GABPB1: variants seen among roughly 807,000 people sequenced by gnomAD.
GABPB1 encodes the protein GA binding protein transcription factor subunit beta 1, also known as GA-binding protein subunit beta-1.
In GABPB1, 15 loss-of-function variants were observed where a neutral mutation model predicts 45.9. The ratio of observed to expected loss-of-function variants is 0.33; its 90% CI spans 0.22 to 0.50. GABPB1 has a LOEUF of 0.50. Ranked by LOEUF, GABPB1 falls within the 20% of genes least tolerant of loss-of-function variation. GABPB1 has a pLI of 0.98. For missense variants in GABPB1, 252 were observed against 457.5 expected, an observed-to-expected ratio of 0.55 and a Z score of 4.10; for synonymous variants, 143 against 154.4, an observed-to-expected ratio of 0.93 and a Z score of 0.55.
intron 1 of GABPB1, among the ~76,000 whole-genome samples, chr15:50,316,193 A>T (rs2047320734): frequency 6.6e-6 from 1 of 152,270 alleles, no homozygotes. Flanking sequence ...TGTTAATAAT[A>T]AATCTATTAT....
In GABPB1 at chr15:50,321,535, C is replaced by T. The variant is rs930473894; in HGVS notation, c.1-11737G>A. 2.0e-5 allele frequency among the ~76,000 whole-genome samples: 3 copies of T among 152,032 alleles called. 1 individual carries two copies. In the South Asian group the frequency reaches 6.2e-4, roughly 32 times the overall value. ...ACCCTTTTATCGCTTTTAAAGTCTGCATTAAAAGGGCATTCTGTTAGCCAG... is the reference window on the plus strand; with the variant it reads ...ACCCTTTTATCGCTTTTAAAGTCTGTATTAAAAGGGCATTCTGTTAGCCAG... On this transcript the variant is annotated intron_variant, in intron 1 of 8. Transcript: ENST00000380877.
chr15:50,347,217 G>C (rs544158228), intron 1 of GABPB1, among the ~76,000 whole-genome samples: 37 of 152,168 alleles, frequency 2.4e-4, no homozygotes, highest in African/African-American at 8.7e-4. Flanking sequence ...GAATTATGGG[G>C]AGACACAAGC....
intron 1 of GABPB1, among the ~76,000 whole-genome samples, chr15:50,320,459 C>T (rs1490231780): frequency 6.6e-6 from 1 of 152,208 alleles, no homozygotes; most frequent in Non-Finnish European, 1.5e-5. Flanking sequence ...TGAGCCACCA[C>T]TCAAAGGCAA....
At chr15:50,339,270 A>G (rs928273952) in intron 1 of GABPB1, among the ~76,000 whole-genome samples, 1 of 152,162 alleles carries the variant, frequency 6.6e-6, no homozygotes, top group African/African-American at 2.4e-5. Context: ...GTGAGCCAAG[A>G]TCACACTGCT....
chr15:50,353,646 G>A (rs368597383), intron 1 of GABPB1: 18 of 152,010 alleles, frequency 1.2e-4, no homozygotes, highest in African/African-American at 4.3e-4. Flanking sequence ...GTCTGAGCCT[G>A]AAAATGGAAG....
intron 1 of GABPB1, among the ~76,000 whole-genome samples, chr15:50,347,885 G>A (rs1163785076): frequency 6.6e-6 from 1 of 151,882 alleles, no homozygotes; most frequent in Non-Finnish European, 1.5e-5. Flanking sequence ...GCTAAACCCC[G>A]TCTCTACTAA....
chr15:50,321,817 T>A (rs981657855), intron 1 of GABPB1, among the ~76,000 whole-genome samples: 8 of 152,318 alleles, frequency 5.3e-5, no homozygotes, highest in Non-Finnish European at 1.2e-4. Flanking sequence ...TTGCCTTTTT[T>A]AAATGTAATC....
chr15:50,281,491 G>T (rs7180278), intron 8 of GABPB1, among the ~76,000 whole-genome samples: 4 of 152,074 alleles, frequency 2.6e-5, no homozygotes, highest in East Asian at 1.9e-4. Flanking sequence ...GATTACAGGC[G>T]TGAGCCACTG....
chr15:50,346,907 C>T lies in GABPB1; in HGVS notation c.-1+8078G>A, dbSNP rs138237234. On this transcript the variant is annotated intron_variant, in intron 1 of 8. Transcript: ENST00000380877. ...CAGGTTCAAGCGATTCTCCTGCCTC[C>T]ACCTCCTGAGTAGCTGGGATTACAG... 3.5e-3 allele frequency among the ~76,000 whole-genome samples: 526 copies of T among 151,584 alleles called. 6 individuals are homozygous for T. Among genetic ancestry groups the T allele is most frequent in the African/African-American group, 0.012 (502 of 41,326 alleles).
chr15:50,294,421 G>A (rs1274218397), intron 6 of GABPB1, among the ~76,000 whole-genome samples: 2 of 152,152 alleles, frequency 1.3e-5, no homozygotes, highest in South Asian at 2.1e-4. Flanking sequence ...GGCTGAGGCA[G>A]GAGAATGGTG....
At chr15:50,341,661 T>G (rs758610795) in intron 1 of GABPB1, among the ~76,000 whole-genome samples, 6 of 152,216 alleles carry the variant, frequency 3.9e-5, no homozygotes, top group Non-Finnish European at 8.8e-5. Context: ...ATGCATCTTA[T>G]GGAATGAACT....
intron 1 of GABPB1, chr15:50,350,405 A>C (rs2048775859): frequency 6.8e-6 from 1 of 147,962 alleles, no homozygotes; most frequent in South Asian, 2.2e-4. Flanking sequence ...TCTTTACTAC[A>C]TCAAAAAAAA....
chr15:50,303,932 T>C (rs1192513275), intron 3 of GABPB1, 34 bp downstream of exon 3: 3 of 1,522,324 alleles, frequency 2.0e-6, no homozygotes, highest in Non-Finnish European at 2.7e-6. Context: ...CCGTAAAGTA[T>C]TTTAAAAGCA....
At chr15:50,349,706 T>C (rs538660514) in intron 1 of GABPB1, 2 of 152,366 alleles carry the variant, frequency 1.3e-5, no homozygotes, top group Non-Finnish European at 2.9e-5. Context: ...ATTTACAAAT[T>C]CTCATGTACA....
At chr15:50,328,147 T>A (rs911707033) in intron 1 of GABPB1, among the ~76,000 whole-genome samples, 3 of 152,086 alleles carry the variant, frequency 2.0e-5, no homozygotes, top group African/African-American at 7.2e-5. Context: ...TGTATATGTG[T>A]GTTTGTGTGT....
intron 1 of GABPB1, chr15:50,347,309 A>C (rs2141178443): frequency 6.6e-6 from 1 of 152,320 alleles, no homozygotes; most frequent in African/African-American, 2.4e-5. Context: ...GAATAATCAC[A>C]TTGGCAAAGA....
chr15:50,291,720 G>A (rs189215199), intron 6 of GABPB1, among the ~76,000 whole-genome samples: 1 of 150,898 alleles, frequency 6.6e-6, no homozygotes, highest in East Asian at 2.0e-4. Context: ...AGGAGTTCAA[G>A]ACCAGCCTGG....
intron 1 of GABPB1, among the ~76,000 whole-genome samples, chr15:50,341,243 A>G (rs955837012): frequency 1.3e-5 from 2 of 152,012 alleles, no homozygotes; most frequent in Non-Finnish European, 2.9e-5. Context: ...TTAACTTGAA[A>G]ATGATTTAGG....
At chr15:50,337,770 T>G (rs1292373733) in intron 1 of GABPB1, among the ~76,000 whole-genome samples, 1 of 151,668 alleles carries the variant, frequency 6.6e-6, no homozygotes, top group Non-Finnish European at 1.5e-5. Context: ...CCGTCTCAAC[T>G]GAAAAAGAAA....
Sources: gnomAD v4.1 joint callset for allele counts (sites outside exome capture counted in the v4.1 genomes callset) on GRCh38, gnomAD v4.1.1 for gene constraint, MANE v1.5 for transcripts, NCBI Gene and HGNC (gene_info 2026-07-23, HGNC 2026-07-21) for gene names.